The following TMEM192 variants were observed in gnomAD, a reference collection of about 807,000 sequenced individuals.
TMEM192 encodes the protein transmembrane protein 192.
TMEM192 carries 20 observed loss-of-function variants against 26.7 expected under a neutral mutation model. The observed-to-expected ratio is 0.75, with a 90% confidence interval of 0.53 to 1.09. TMEM192 has a LOEUF of 1.09. TMEM192 is among the 50% of genes least tolerant of loss of function. TMEM192 has a pLI of 0.00. For missense variants in TMEM192, 304 were observed against 322.6 expected, an observed-to-expected ratio of 0.94 and a Z score of 0.44; for synonymous variants, 124 against 121.0, an observed-to-expected ratio of 1.02 and a Z score of -0.16.
Position 165,076,172 on chromosome 4 carries a change from G to A in TMEM192, c.*3486C>T, listed in dbSNP as rs1560922741. 1 of 152,004 alleles carries A rather than the reference G, an allele frequency of 6.6e-6. No individual in the cohort carries two copies. 9.4% of individuals were successfully genotyped at this position (152,004 alleles called of 1,614,324 possible). A position where few individuals can be genotyped will look rare whatever the true frequency, so the allele number is the denominator to read the frequency against. Reference sequence around the variant, plus strand: ...CTTTATAATAAGTCATGATACTGTTGTCATTTGGAATACATATACATACAT... The same window carrying A: ...CTTTATAATAAGTCATGATACTGTTATCATTTGGAATACATATACATACAT... On this transcript the variant is annotated 3_prime_UTR_variant, in exon 6 of 6. Transcript: ENST00000306480.
rs532424402 is a variant in TMEM192 at position 165,077,693 on chromosome 4, C to G, written c.*1965G>C. 1 of 151,906 alleles carries G rather than the reference C, an allele frequency of 6.6e-6. No individual in the cohort carries two copies. Among genetic ancestry groups the G allele is most frequent in the South Asian group, 2.1e-4 (1 of 4,794 alleles). The allele number at this position is 151,906 out of a possible 1,614,324, so 9.4% of individuals were successfully genotyped here. A position where few individuals can be genotyped will look rare whatever the true frequency, so the allele number is the denominator to read the frequency against. ...CCGGGAGGCGGAGGTTGCAGTGAGC[C>G]GAGATCATGCTACTGCGCTCCAGCC... On this transcript the variant is annotated 3_prime_UTR_variant, in exon 6 of 6. Transcript: ENST00000306480.
In TMEM192 at chr4:165,079,577, C is replaced by G; in HGVS notation, c.*81G>C. 6.8e-7 allele frequency: 1 copy of G among 1,460,716 alleles called. No individual in the cohort carries two copies. The highest frequency in any genetic ancestry group is 1.3e-5 in the South Asian group (1 of 74,086). 90.5% of individuals were successfully genotyped at this position (1,460,716 alleles called of 1,614,324 possible). ...ATGCTATTCAGCAAAAGCTGCAGTT[C>G]CCCGTGGCAGCTTGTCAGGTGGTCA... On this transcript the variant is annotated 3_prime_UTR_variant, in exon 6 of 6. Coordinates refer to ENST00000306480, the MANE Select transcript of TMEM192 (RefSeq NM_001100389.2).
At chr4:165,093,392 G>A (rs1193330376) in intron 3 of TMEM192, among the ~76,000 whole-genome samples, 1 of 151,994 alleles carries the variant, frequency 6.6e-6, no homozygotes, top group Non-Finnish European at 1.5e-5. Flanking sequence ...ACCGCGCCTG[G>A]CCAATACAGT....
At chr4:165,103,774 G>A (rs1431339933) in intron 1 of TMEM192, among the ~76,000 whole-genome samples, 1 of 152,028 alleles carries the variant, frequency 6.6e-6, no homozygotes, top group Non-Finnish European at 1.5e-5. Flanking sequence ...CGCCTGCCTC[G>A]GCCTCCCAAA....
At chr4:165,100,565 A>G (rs1306306267) in intron 3 of TMEM192, 63 bp downstream of exon 3, 10 of 1,532,002 alleles carry the variant, frequency 6.5e-6, no homozygotes, top group South Asian at 1.2e-5. Flanking sequence ...AACTTCATAT[A>G]TTCTTTCTGC....
intron 3 of TMEM192, 127 bp from the exon 4 acceptor site, chr4:165,088,729 G>T: frequency 2.1e-6 from 2 of 937,582 alleles, no homozygotes; most frequent in Non-Finnish European, 3.0e-6. Context: ...TTTCCTGAGT[G>T]ATCAGAGCCT....
intron 4 of TMEM192, among the ~76,000 whole-genome samples, chr4:165,087,476 G>A (rs754320211): frequency 6.6e-6 from 1 of 152,156 alleles, no homozygotes; most frequent in East Asian, 1.9e-4. Flanking sequence ...TGACTCCTAC[G>A]TTTCTAGGAT....
At chr4:165,096,479 G>T (rs1355506859) in intron 3 of TMEM192, among the ~76,000 whole-genome samples, 1 of 151,634 alleles carries the variant, frequency 6.6e-6, no homozygotes, top group African/African-American at 2.4e-5. Flanking sequence ...ATTTTCACTT[G>T]GTAGGAAAGC....
Position 165,107,429 on chromosome 4 carries a change from C to T in TMEM192, c.28-4333G>A, listed in dbSNP as rs571375415. Among the ~76,000 whole-genome samples the T allele has an allele frequency of 5.3e-5, 8 of 152,116 alleles. No individual in the cohort carries two copies. The East Asian group carries it at 1.5e-3, about 29-fold the overall frequency. On this transcript the variant is annotated intron_variant, in intron 1 of 5. Coordinates refer to ENST00000306480, the MANE Select transcript of TMEM192 (RefSeq NM_001100389.2). ...TCGGCTCACTGCAGCCTCCGTGCCC[C>T]CCTCCCCAGGCTCAAGAAATCCTCC...
intron 1 of TMEM192, among the ~76,000 whole-genome samples, chr4:165,109,729 T>A (rs914183451): frequency 2.0e-5 from 3 of 152,206 alleles, no homozygotes; most frequent in Admixed American, 2.0e-4. Flanking sequence ...ATCTACTTTA[T>A]CTCCTAATAT....
chr4:165,090,929 A>G (rs1734745651), intron 3 of TMEM192, among the ~76,000 whole-genome samples: 5 of 148,334 alleles, frequency 3.4e-5, no homozygotes, highest in South Asian at 4.3e-4. Context: ...AAAAAAAAAA[A>G]GGTCATAGAA....
chr4:165,088,665 T>C (rs1447446950), intron 3 of TMEM192, 63 bp from the exon 4 acceptor site: 14 of 1,479,634 alleles, frequency 9.5e-6, no homozygotes, highest in Admixed American at 2.1e-5. Flanking sequence ...CTTTGTCCAA[T>C]AGATAGTTGG....
intron 2 of TMEM192, among the ~76,000 whole-genome samples, chr4:165,101,107 G>A (rs1333102562): frequency 2.0e-5 from 3 of 150,682 alleles, no homozygotes; most frequent in Non-Finnish European, 4.4e-5. Context: ...CTCCCGAGTA[G>A]CTGGGACTAC....
chr4:165,084,301 C>T (rs542908960), intron 5 of TMEM192, among the ~76,000 whole-genome samples: 22 of 151,452 alleles, frequency 1.5e-4, no homozygotes, highest in African/African-American at 3.4e-4. Flanking sequence ...CGGGTTCAAG[C>T]GATTCTCCTG....
At chr4:165,107,431 C>A (rs1477498426) in intron 1 of TMEM192, among the ~76,000 whole-genome samples, 1 of 152,100 alleles carries the variant, frequency 6.6e-6, no homozygotes, top group East Asian at 1.9e-4. Context: ...CCGTGCCCCC[C>A]TCCCCAGGCT....
chr4:165,101,031 C>G (rs915145628), intron 2 of TMEM192, 139 bp from the exon 3 acceptor site: 1 of 911,690 alleles, frequency 1.1e-6, no homozygotes. Flanking sequence ...GGCTGGAGTG[C>G]AGTGGCGCAA....
intron 3 of TMEM192, among the ~76,000 whole-genome samples, chr4:165,089,387 C>T: frequency 6.6e-6 from 1 of 152,092 alleles, no homozygotes; most frequent in African/African-American, 2.4e-5. Flanking sequence ...GTGGCGCTAT[C>T]TCGGCTCACT....
At chr4:165,089,971 G>A (rs1734715968) in intron 3 of TMEM192, among the ~76,000 whole-genome samples, 1 of 152,086 alleles carries the variant, frequency 6.6e-6, no homozygotes, top group South Asian at 2.1e-4. Context: ...CAACACTTTG[G>A]GAGGCCAAGG....
chr4:165,085,620 A>T lies in TMEM192; in HGVS notation c.643T>A (p.Tyr215Asn), dbSNP rs760806551. 1.2e-6 allele frequency: 2 copies of T among 1,612,678 alleles called. No homozygotes were observed. Among genetic ancestry groups the T allele is most frequent in the East Asian group, 4.5e-5 (2 of 44,810 alleles). ...DILEEEKIYA[Y>N]PSNITSETGF... The stretch of plus-strand genomic sequence containing the variant: ...GTCTCCGAGGTAATATTGCTGGGGT[A>T]AGCATAGATTTTTTCTTCTTCAAGT... The change falls in exon 5 of 6, where the codon TAC (tyrosine) becomes AAC (asparagine). Residue 215 changes from tyrosine to asparagine, a missense_variant. Tyr to Asn is a moderately radical substitution (Grantham distance 143). Transcript: ENST00000306480.
Sources: allele counts gnomAD v4.1 joint callset (sites outside exome capture counted in the v4.1 genomes callset), GRCh38; gene constraint gnomAD v4.1.1; transcripts MANE v1.5; gene names NCBI Gene and HGNC (gene_info 2026-07-23, HGNC 2026-07-21).